The following ATF6 variants were observed in gnomAD, a reference collection of about 807,000 sequenced individuals.
ATF6 encodes cyclic AMP-dependent transcription factor ATF-6 alpha.
ATF6 carries 53 observed loss-of-function variants against 83.6 expected under a neutral mutation model. The observed-to-expected ratio is 0.63, with a 90% confidence interval of 0.51 to 0.80. The LOEUF is 0.80. Ranked by LOEUF, ATF6 falls within the 30% of genes least tolerant of loss-of-function variation. The pLI is 0.00. For synonymous variants in ATF6, 288 were observed against 285.8 expected (o/e 1.01, Z -0.08); for missense variants, 744 against 797.9 (o/e 0.93, Z 0.81).
intron 14 of ATF6, among the ~76,000 whole-genome samples, chr1:161,878,478 T>C (rs905039014): frequency 6.6e-6 from 1 of 151,756 alleles, no homozygotes; most frequent in Non-Finnish European, 1.5e-5. Flanking sequence ...AGAGAGTATA[T>C]AGAGAGAGGA....
At chr1:161,849,115 G>A (rs576393450) in intron 10 of ATF6, among the ~76,000 whole-genome samples, 44 of 152,198 alleles carry the variant, frequency 2.9e-4, no homozygotes, top group African/African-American at 9.9e-4. Flanking sequence ...TTAAAATAAT[G>A]CGTATGTCAT....
chr1:161,807,426 C>T (rs1400807452), intron 7 of ATF6, among the ~76,000 whole-genome samples: 1 of 152,120 alleles, frequency 6.6e-6, no homozygotes, highest in East Asian at 1.9e-4. Context: ...AATGAATAGG[C>T]ACTTCTTAAT....
chr1:161,837,524 G>T (rs183760853), intron 9 of ATF6, among the ~76,000 whole-genome samples: 2 of 152,056 alleles, frequency 1.3e-5, no homozygotes, highest in Non-Finnish European at 2.9e-5. Context: ...ATGTACAGAC[G>T]ATCTATGTAC....
intron 9 of ATF6, among the ~76,000 whole-genome samples, chr1:161,833,006 A>G (rs1270652145): frequency 6.6e-6 from 1 of 152,216 alleles, no homozygotes; most frequent in African/African-American, 2.4e-5. Flanking sequence ...GGCACCCCCC[A>G]GTAGGGGCGG....
chr1:161,896,127 T>C (rs1359935369), intron 14 of ATF6, among the ~76,000 whole-genome samples: 1 of 152,166 alleles, frequency 6.6e-6, no homozygotes, highest in Non-Finnish European at 1.5e-5. Flanking sequence ...GATAGATAGA[T>C]GTATTTGTCT....
chr1:161,911,259 C>G (rs1687987100), intron 14 of ATF6, among the ~76,000 whole-genome samples: 1 of 152,154 alleles, frequency 6.6e-6, no homozygotes, highest in African/African-American at 2.4e-5. Context: ...ACCATGCTCC[C>G]TTAAATGGAA....
chr1:161,927,210 G>A (rs1688334283), intron 15 of ATF6, among the ~76,000 whole-genome samples: 1 of 152,092 alleles, frequency 6.6e-6, no homozygotes, highest in Non-Finnish European at 1.5e-5. Context: ...GTGAATGGCT[G>A]ATCCAGCCCA....
intron 15 of ATF6, among the ~76,000 whole-genome samples, chr1:161,952,151 C>T (rs1688876797): frequency 6.6e-6 from 1 of 152,196 alleles, no homozygotes. Flanking sequence ...AGAGTAATAC[C>T]CTATGGCCCC....
At chr1:161,783,780 C>T (rs1395252988) in intron 3 of ATF6, among the ~76,000 whole-genome samples, 1 of 151,408 alleles carries the variant, frequency 6.6e-6, no homozygotes, top group Non-Finnish European at 1.5e-5. Flanking sequence ...ATATATACCC[C>T]CTCCCCACAT....
intron 14 of ATF6, among the ~76,000 whole-genome samples, chr1:161,880,317 G>T (rs1687294988): frequency 6.7e-6 from 1 of 149,910 alleles, no homozygotes; most frequent in African/African-American, 2.5e-5. Flanking sequence ...CACATTTTAT[G>T]TGTGATATGT....
At chr1:161,848,469 T>G (rs1284743035) in intron 10 of ATF6, among the ~76,000 whole-genome samples, 1 of 152,112 alleles carries the variant, frequency 6.6e-6, no homozygotes, top group Admixed American at 6.6e-5. Context: ...AATCCCATAG[T>G]TTATAATATT....
intron 15 of ATF6, among the ~76,000 whole-genome samples, chr1:161,913,058 G>A (rs1688022846): frequency 6.6e-6 from 1 of 152,134 alleles, no homozygotes; most frequent in Admixed American, 6.5e-5. Flanking sequence ...ATTCTTCATG[G>A]AGAAGTGAAA....
At chr1:161,831,175 C>G (rs1249566193) in intron 9 of ATF6, among the ~76,000 whole-genome samples, 1 of 152,098 alleles carries the variant, frequency 6.6e-6, no homozygotes, top group African/African-American at 2.4e-5. Context: ...ATTTATGCAG[C>G]CAAAAGACAC....
At position 161,876,260 on chromosome 1, in the gene ATF6, A is replaced by G. The variant is rs1218703341; in HGVS notation, c.1719+12948A>G. Among the ~76,000 whole-genome samples, 5 of 152,016 alleles carry G rather than the reference A, an allele frequency of 3.3e-5. No individual in the cohort carries two copies. The East Asian group carries it at 5.8e-4, about 18-fold the overall frequency. ...CTTCCATTTGTAAAACAAAAGCACA[A>G]TTCTGTAGTTGAGATATTAACTCAG... On this transcript the variant is annotated intron_variant, in intron 14 of 15. Transcript: ENST00000367942.
At chr1:161,895,652 G>C (rs1687656428) in intron 14 of ATF6, among the ~76,000 whole-genome samples, 1 of 152,202 alleles carries the variant, frequency 6.6e-6, no homozygotes, top group Non-Finnish European at 1.5e-5. Flanking sequence ...ATGACTGTGA[G>C]AATGTCTAGA....
intron 9 of ATF6, among the ~76,000 whole-genome samples, chr1:161,827,579 A>G (rs1685934221): frequency 6.6e-6 from 1 of 152,126 alleles, no homozygotes; most frequent in African/African-American, 2.4e-5. Flanking sequence ...TACCGAGTAA[A>G]GTGATTAATG....
chr1:161,775,210 A>G (rs1684487283), intron 1 of ATF6, among the ~76,000 whole-genome samples: 1 of 152,262 alleles, frequency 6.6e-6, no homozygotes, highest in Non-Finnish European at 1.5e-5. Flanking sequence ...CCTGTGATAT[A>G]GTCACATGAT....
chr1:161,905,588 C>T (rs1687863849), intron 14 of ATF6, among the ~76,000 whole-genome samples: 1 of 152,300 alleles, frequency 6.6e-6, no homozygotes, highest in Non-Finnish European at 1.5e-5. Flanking sequence ...TTATATATGA[C>T]AAACTCCCAA....
chr1:161,812,366 A>ATTTTTTTTT (rs76880363), intron 7 of ATF6, among the ~76,000 whole-genome samples: 1 of 37,536 alleles, frequency 2.7e-5, no homozygotes, highest in Admixed American at 3.7e-4. Context: ...GGGAGCAGGT[A>ATTTTTTTTT]TTTTCTTTTT....
Sources: allele counts gnomAD v4.1 joint callset (sites outside exome capture counted in the v4.1 genomes callset), GRCh38; gene constraint gnomAD v4.1.1; transcripts MANE v1.5; gene names NCBI Gene and HGNC (gene_info 2026-07-23, HGNC 2026-07-21).